ST3GAL1: variants seen among roughly 807,000 people sequenced by gnomAD.
The protein encoded by ST3GAL1 is CMP-N-acetylneuraminate-beta-galactosamide-alpha-2,3-sialyltransferase 1.
ST3GAL1 carries 16 observed loss-of-function variants against 34.1 expected under a neutral mutation model. The observed-to-expected ratio is 0.47, with a 90% CI of 0.32 to 0.71. The LOEUF (loss-of-function observed/expected upper bound fraction) is 0.71, where lower values mean the gene tolerates loss of function less well. Ranked by LOEUF, ST3GAL1 falls within the 30% of genes least tolerant of loss-of-function variation. The pLI, the probability that ST3GAL1 is intolerant of heterozygous loss-of-function variation, is 0.04. For synonymous variants in ST3GAL1, 191 were observed against 184.7 expected, an observed-to-expected ratio of 1.03 and a Z score of -0.28; for missense variants, 353 against 447.4, an observed-to-expected ratio of 0.79 and a Z score of 1.90.
In ST3GAL1 at chr8:133,545,811, A is replaced by C. The variant is rs138889831; in HGVS notation, c.-466T>G. ...AGTGACCGTCCATCTCTGGTCCCCA[A>C]ATGGAATTGTCCTGACCCAAGCTCA... On this transcript the variant is annotated 5_prime_UTR_variant, in exon 2 of 10. The change creates a new upstream start codon in the 5' untranslated region. Transcript: ENST00000522652. The C allele has an allele frequency of 6.6e-6, 1 of 152,166 alleles. No homozygotes were observed. The highest frequency in any genetic ancestry group is 2.4e-5 in the African/African-American group (1 of 41,428). The allele number at this position is 152,166 out of a possible 1,614,324, so 9.4% of individuals were successfully genotyped here.
chr8:133,526,814 G>T lies in ST3GAL1; in HGVS notation c.-429+18960C>A, dbSNP rs993209496. 5.3e-5 allele frequency among the ~76,000 whole-genome samples: 8 copies of T among 152,222 alleles called. No individual in the cohort carries two copies. The South Asian group carries it at 1.2e-3, about 24-fold the overall frequency. ...AGTACAGTGGGTGGGGTGCACTGTTGTTCCTGGGGCAGAGTGGGCGAGGGA... is the reference window on the plus strand; with the variant it reads ...AGTACAGTGGGTGGGGTGCACTGTTTTTCCTGGGGCAGAGTGGGCGAGGGA... On this transcript the variant is annotated intron_variant, in intron 2 of 9. Coordinates refer to ENST00000522652, the MANE Select transcript of ST3GAL1 (RefSeq NM_173344.3).
At position 133,504,433 on chromosome 8, in the gene ST3GAL1, C is replaced by T. The variant is rs1817274534; in HGVS notation, c.-428-5244G>A. 2.0e-5 allele frequency among the ~76,000 whole-genome samples: 3 copies of T among 152,252 alleles called. No homozygotes were observed. In the South Asian group the frequency reaches 6.2e-4, roughly 32 times the overall value. ...AGCTTTTCTTTGAGTCATTTCAAAA[C>T]ATCTCCCGTTTCTGGGAAAGAATCA... On this transcript the variant is annotated intron_variant, in intron 2 of 9. Transcript: ENST00000522652.
intron 1 of ST3GAL1, among the ~76,000 whole-genome samples, chr8:133,548,632 C>T (rs1349349924): frequency 6.6e-6 from 1 of 152,210 alleles, no homozygotes; most frequent in Non-Finnish European, 1.5e-5. Flanking sequence ...TTCTTGGACA[C>T]ACCACCTTCC....
rs1815851676 is a variant in ST3GAL1 at position 133,469,090 on chromosome 8, G to A, written c.307-3000C>T. On this transcript the variant is annotated intron_variant, in intron 5 of 9. Transcript: ENST00000522652. The surrounding 1 kb of genome is among the most constrained non-coding windows in gnomAD (Gnocchi z 4.3). The stretch of plus-strand genomic sequence containing the variant: ...AGAGGCCTGAGAAGCCAGGACTCAA[G>A]CTCGGCCATGGACGTGTGTGGAGAG... Among the ~76,000 whole-genome samples, 1 of 152,158 alleles carries A rather than the reference G, an allele frequency of 6.6e-6. No individual in the cohort carries two copies. The highest frequency in any genetic ancestry group is 6.5e-5 in the Admixed American group (1 of 15,268).
chr8:133,506,645 C>T (rs1242189904), intron 2 of ST3GAL1, among the ~76,000 whole-genome samples: 1 of 151,608 alleles, frequency 6.6e-6, no homozygotes, highest in Admixed American at 6.6e-5. Context: ...ATTAGCCGGG[C>T]GTGGTGGTAC....
At chr8:133,565,690 T>A (rs920633130) in intron 1 of ST3GAL1, among the ~76,000 whole-genome samples, 2 of 152,188 alleles carry the variant, frequency 1.3e-5, no homozygotes, top group East Asian at 3.8e-4. Flanking sequence ...ATAAGGCAGG[T>A]TCCTGTGCTT....
At chr8:133,468,224 C>A (rs542799633) in intron 5 of ST3GAL1, among the ~76,000 whole-genome samples, 2 of 151,934 alleles carry the variant, frequency 1.3e-5, no homozygotes, top group Admixed American at 1.3e-4. Context: ...CAGTCTCCAG[C>A]GATGGATGAA....
intron 1 of ST3GAL1, among the ~76,000 whole-genome samples, chr8:133,553,996 T>C (rs1818934461): frequency 6.6e-6 from 1 of 152,094 alleles, no homozygotes; most frequent in South Asian, 2.1e-4. Flanking sequence ...GCCTTATTGC[T>C]TCTGCAGACT....
chr8:133,480,619 C>A (rs1320322342), intron 3 of ST3GAL1, among the ~76,000 whole-genome samples: 2 of 152,176 alleles, frequency 1.3e-5, no homozygotes, highest in Non-Finnish European at 2.9e-5. Context: ...GGTGGGTAAC[C>A]CTTACGCTTG....
chr8:133,506,135 A>G (rs1440700754), intron 2 of ST3GAL1, among the ~76,000 whole-genome samples: 2 of 152,202 alleles, frequency 1.3e-5, no homozygotes, highest in South Asian at 2.1e-4. Context: ...GGAAAGTTCT[A>G]TTGGAGAGTG....
intron 2 of ST3GAL1, among the ~76,000 whole-genome samples, chr8:133,541,577 A>G (rs1586655628): frequency 1.3e-5 from 2 of 152,114 alleles, no homozygotes; most frequent in Non-Finnish European, 2.9e-5. Flanking sequence ...CACGGTCCAC[A>G]TGTTTTGGCT....
intron 2 of ST3GAL1, among the ~76,000 whole-genome samples, chr8:133,518,813 C>T (rs529622304): frequency 3.0e-4 from 46 of 152,082 alleles, no homozygotes; most frequent in Non-Finnish European, 5.9e-4. Flanking sequence ...ATTTTTAATC[C>T]CCAGCTTGCA....
chr8:133,477,921 AG>A (rs1412775546), intron 3 of ST3GAL1, among the ~76,000 whole-genome samples: 1 of 152,188 alleles, frequency 6.6e-6, no homozygotes, highest in Non-Finnish European at 1.5e-5. Flanking sequence ...AAAGGGGGAC[AG>A]CTCCAAAACC....
rs547141389 is a variant in ST3GAL1, at chr8:133,552,944, T to C, written c.-581-7018A>G. On this transcript the variant is annotated intron_variant, in intron 1 of 9. Coordinates refer to ENST00000522652, the MANE Select transcript of ST3GAL1 (RefSeq NM_173344.3). ...GGTAGTTTTACTCCCATTTCACAGA[T>C]GTGGAAATTAAGATTCTGAAAGAGT... is the stretch of plus-strand genomic sequence containing the variant. Among the ~76,000 whole-genome samples, 7 of 152,354 alleles carry C rather than the reference T, an allele frequency of 4.6e-5. No homozygotes were observed. In the South Asian group the frequency reaches 1.4e-3, roughly 32 times the overall value.
rs1353834793 is a variant in ST3GAL1, at chr8:133,556,519, G to A, written c.-581-10593C>T. Among the ~76,000 whole-genome samples the A allele has an allele frequency of 6.6e-6, 1 of 152,176 alleles. No individual in the cohort carries two copies. Among genetic ancestry groups the A allele is most frequent in the Non-Finnish European group, 1.5e-5 (1 of 68,040 alleles). On this transcript the variant is annotated intron_variant, in intron 1 of 9. Transcript: ENST00000522652. This position sits in a 1 kb window ranked among gnomAD's most constrained non-coding sequence, Gnocchi z 8.9. ...GAGTCACGTTCCTTTCTCAGATCTG[G>A]GAGGAATTGTGAAACATGGACCTGT...
chr8:133,506,101 C>T (rs987629020), intron 2 of ST3GAL1, among the ~76,000 whole-genome samples: 7 of 152,124 alleles, frequency 4.6e-5, no homozygotes, highest in Middle Eastern at 3.2e-3. Context: ...TGGGCAGTAC[C>T]GACATAGAGC....
intron 3 of ST3GAL1, among the ~76,000 whole-genome samples, chr8:133,477,670 T>G (rs908640339): frequency 3.9e-5 from 6 of 151,976 alleles, no homozygotes; most frequent in Non-Finnish European, 7.4e-5. Context: ...AACAGGTACC[T>G]CTCAAATGCC....
At chr8:133,485,276 G>A (rs763721724) in intron 3 of ST3GAL1, among the ~76,000 whole-genome samples, 2 of 152,222 alleles carry the variant, frequency 1.3e-5, no homozygotes, top group East Asian at 1.9e-4. Context: ...GCAGGTGGGC[G>A]AGGCAAGAGC....
At chr8:133,486,682 TA>T (rs1221995642) in intron 3 of ST3GAL1, among the ~76,000 whole-genome samples, 2 of 152,112 alleles carry the variant, frequency 1.3e-5, no homozygotes, top group Non-Finnish European at 2.9e-5. Context: ...TTATGTCGAT[TA>T]AAAAAATCAG....
Sources: gnomAD v4.1 joint callset for allele counts (sites outside exome capture counted in the v4.1 genomes callset) on GRCh38, gnomAD v4.1.1 for gene constraint, Gnocchi (gnomAD v3.1) non-coding constraint, MANE v1.5 for transcripts, NCBI Gene and HGNC (gene_info 2026-07-23, HGNC 2026-07-21) for gene names.